KDM7A: variants seen among roughly 807,000 people sequenced by gnomAD.
KDM7A encodes lysine demethylase 7A, also known as lysine-specific demethylase 7A.
In KDM7A, 28 loss-of-function variants were observed where a neutral mutation model predicts 114.8. That is an observed-to-expected ratio of 0.24 (90% CI 0.18 to 0.33). The LOEUF is 0.33. Ranked by LOEUF, KDM7A falls within the 10% of genes least tolerant of loss-of-function variation. KDM7A has a pLI of 1.00. For missense variants in KDM7A, 942 were observed against 1,142.5 expected (o/e 0.82, Z 2.53); for synonymous variants, 423 against 397.8 (o/e 1.06, Z -0.75).
intron 9 of KDM7A, among the ~76,000 whole-genome samples, chr7:140,114,311 G>C (rs952414636): frequency 1.3e-5 from 2 of 152,114 alleles, no homozygotes; most frequent in Non-Finnish European, 2.9e-5. Context: ...GGGATTGCAG[G>C]CGCGCGCCAC....
intron 12 of KDM7A, among the ~76,000 whole-genome samples, chr7:140,100,667 T>TATATATATATACACAC (rs1562945838): frequency 9.2e-5 from 4 of 43,278 alleles, no homozygotes; most frequent in Non-Finnish European, 1.9e-4. Context: ...AAGTTATATA[T>TATATATATATACACAC]ATATATATAT....
Position 140,139,218 on chromosome 7 carries a change from T to C in KDM7A, c.195-28A>G, listed in dbSNP as rs750271596. 1.3e-5 allele frequency: 19 copies of C among 1,506,676 alleles called. No individual in the cohort carries two copies. The African/African-American group carries it at 2.1e-4, about 16-fold the overall frequency. 93.3% of individuals were successfully genotyped at this position (1,506,676 alleles called of 1,614,324 possible). On this transcript the variant is annotated intron_variant, in intron 1 of 19. Coordinates refer to ENST00000397560, the MANE Select transcript of KDM7A (RefSeq NM_030647.2). ...AAGACAAAGGAAACCAAAATCAGTA[T>C]GTAAGTAAGTTGAAAATCTTCGCTT...
chr7:140,126,991 G>C (rs1818716112), intron 5 of KDM7A, among the ~76,000 whole-genome samples, 168 bp from the exon 6 acceptor site: 1 of 152,204 alleles, frequency 6.6e-6, no homozygotes, highest in Admixed American at 6.5e-5. Flanking sequence ...ACAGAGTCTT[G>C]CTCTGTCGCC....
At chr7:140,092,239 T>C in intron 18 of KDM7A, 162 bp from the exon 19 acceptor site, 2 of 644,680 alleles carry the variant, frequency 3.1e-6, no homozygotes, top group Non-Finnish European at 5.3e-6. Context: ...CATGATGTCG[T>C]CTCAGTAGCT....
chr7:140,154,312 C>T (rs769740368), intron 1 of KDM7A, among the ~76,000 whole-genome samples: 4 of 150,060 alleles, frequency 2.7e-5, no homozygotes, highest in African/African-American at 9.8e-5. Context: ...ATGAGACCCC[C>T]GTCACTACAA....
At chr7:140,125,022 T>C (rs926986503) in intron 6 of KDM7A, among the ~76,000 whole-genome samples, 1 of 152,052 alleles carries the variant, frequency 6.6e-6, no homozygotes, top group Admixed American at 6.6e-5. Context: ...GTTGAAGAAA[T>C]AGCTGCAAGA....
intron 1 of KDM7A, among the ~76,000 whole-genome samples, chr7:140,172,284 T>G (rs1456421256): frequency 6.6e-6 from 1 of 152,226 alleles, no homozygotes; most frequent in East Asian, 1.9e-4. Flanking sequence ...ATTTTATTTA[T>G]TCTAAGGAAA....
Position 140,088,692 on chromosome 7 carries a change from C to T in KDM7A, c.*2402G>A, listed in dbSNP as rs751352791. On this transcript the variant is annotated 3_prime_UTR_variant, in exon 20 of 20. Transcript: ENST00000397560. ...TTCTATTCAAGTGGTTCTATTACCT[C>T]GCTGAAAGTTTTCTAACTTAGCCAC... 38 of 391,076 alleles carry T rather than the reference C, an allele frequency of 9.7e-5. No individual in the cohort carries two copies. Among genetic ancestry groups the T allele is most frequent in the Non-Finnish European group, 1.4e-4 (31 of 221,658 alleles). 24.2% of individuals were successfully genotyped at this position (391,076 alleles called of 1,614,324 possible). A position where few individuals can be genotyped will look rare whatever the true frequency, so the allele number is the denominator to read the frequency against.
In KDM7A at chr7:140,120,530, C is replaced by T. The variant is rs1818602037; in HGVS notation, c.1052-1G>A. The T allele has an allele frequency of 6.3e-7, 1 of 1,597,936 alleles. No individual in the cohort carries two copies. Among genetic ancestry groups the T allele is most frequent in the African/African-American group, 1.3e-5 (1 of 74,576 alleles). ...GAAGTGAGCACAGCATGGATCCACC[C>T]TAAAATGGTTGAAAATATATAAACC... On this transcript the variant is annotated splice_acceptor_variant, in intron 7 of 19. Coordinates refer to ENST00000397560, the MANE Select transcript of KDM7A (RefSeq NM_030647.2). LOFTEE classifies it high-confidence loss of function.
At position 140,090,319 on chromosome 7, in the gene KDM7A, C is replaced by T. The variant is rs374542854; in HGVS notation, c.*775G>A. The T allele has an allele frequency of 6.2e-4, 95 of 152,034 alleles. No homozygotes were observed. The highest frequency in any genetic ancestry group is 1.6e-3 in the African/African-American group (67 of 41,466). 9.4% of individuals were successfully genotyped at this position (152,034 alleles called of 1,614,324 possible). On this transcript the variant is annotated 3_prime_UTR_variant, in exon 20 of 20. Coordinates refer to ENST00000397560, the MANE Select transcript of KDM7A (RefSeq NM_030647.2). ...TCATGGAGTTCTTACACATTGGCTA[C>T]GAAAGTGTTTCCCTGCAAAGAGAAG...
intron 18 of KDM7A, among the ~76,000 whole-genome samples, chr7:140,093,483 C>T (rs575290042): frequency 5.6e-4 from 85 of 152,264 alleles, no homozygotes; most frequent in African/African-American, 2.0e-3. Context: ...CACAGTGCCA[C>T]ATGAGAACTT....
intron 4 of KDM7A, among the ~76,000 whole-genome samples, chr7:140,128,521 A>T (rs1210184722): frequency 1.3e-5 from 2 of 152,228 alleles, no homozygotes; most frequent in South Asian, 4.1e-4. Flanking sequence ...TTTCCTGCAC[A>T]TGTATTACAC....
chr7:140,165,962 A>C (rs771813633), intron 1 of KDM7A, among the ~76,000 whole-genome samples: 1 of 152,228 alleles, frequency 6.6e-6, no homozygotes, highest in African/African-American at 2.4e-5. Flanking sequence ...TTAAACTGCA[A>C]AAGTTACAGC....
chr7:140,103,636 T>C (rs923530494), intron 11 of KDM7A, among the ~76,000 whole-genome samples: 3 of 152,232 alleles, frequency 2.0e-5, no homozygotes, highest in African/African-American at 7.2e-5. Flanking sequence ...ACAAAGGACA[T>C]GAACTCATCC....
intron 1 of KDM7A, among the ~76,000 whole-genome samples, chr7:140,162,352 A>G (rs1022035743): frequency 6.6e-6 from 1 of 152,170 alleles, no homozygotes; most frequent in African/African-American, 2.4e-5. Context: ...AAAAAAAAAA[A>G]ATTACTAACT....
At chr7:140,100,721 T>TAC (rs1262312321) in intron 12 of KDM7A, among the ~76,000 whole-genome samples, 29 of 57,232 alleles carry the variant, frequency 5.1e-4, no homozygotes, top group Non-Finnish European at 5.9e-4. Context: ...CATATATATA[T>TAC]ATATATATAT....
At chr7:140,154,480 A>G (rs1794436339) in intron 1 of KDM7A, among the ~76,000 whole-genome samples, 1 of 149,818 alleles carries the variant, frequency 6.7e-6, no homozygotes, top group Non-Finnish European at 1.5e-5. Flanking sequence ...AGACAAAGTA[A>G]GACTCTGTCT....
intron 1 of KDM7A, among the ~76,000 whole-genome samples, chr7:140,155,655 C>G (rs1384898827): frequency 6.6e-6 from 1 of 152,036 alleles, no homozygotes; most frequent in Non-Finnish European, 1.5e-5. Flanking sequence ...GACTAACAGG[C>G]AACAGGAAAA....
chr7:140,118,494 C>T (rs1226868371), intron 9 of KDM7A, among the ~76,000 whole-genome samples: 5 of 151,978 alleles, frequency 3.3e-5, no homozygotes, highest in African/African-American at 7.3e-5. Flanking sequence ...CTCTGCCTCC[C>T]GCCGGGTTCA....
Sources: gnomAD v4.1 joint callset for allele counts (sites outside exome capture counted in the v4.1 genomes callset) on GRCh38, gnomAD v4.1.1 for gene constraint, MANE v1.5 for transcripts, NCBI Gene and HGNC (gene_info 2026-07-23, HGNC 2026-07-21) for gene names.